Variants in TOGARAM1 observed in about 807,000 individuals in gnomAD.
TOGARAM1 encodes the protein TOG array regulator of axonemal microtubules protein 1.
A neutral mutation model predicts 166.6 loss-of-function variants in TOGARAM1; 100 were observed. The observed-to-expected ratio is 0.60, with a 90% CI of 0.51 to 0.71. TOGARAM1 has a LOEUF of 0.71. TOGARAM1 is among the 30% of genes least tolerant of loss of function. TOGARAM1 has a pLI of 0.00. For synonymous variants in TOGARAM1, 758 were observed against 763.8 expected (o/e 0.99, Z 0.13); for missense variants, 2,029 against 2,102.7 (o/e 0.96, Z 0.69).
intron 1 of TOGARAM1, among the ~76,000 whole-genome samples, chr14:44,966,448 A>G (rs1274406489): frequency 1.3e-5 from 2 of 152,034 alleles, no homozygotes; most frequent in African/African-American, 4.8e-5. Context: ...ACCCCAGCCT[A>G]GGCAACAGAG....
intron 1 of TOGARAM1, among the ~76,000 whole-genome samples, chr14:44,992,548 C>T (rs1487597344): frequency 6.6e-6 from 1 of 151,498 alleles, no homozygotes; most frequent in African/African-American, 2.4e-5. Context: ...TTAATACTCC[C>T]TGCCAAAAGC....
rs191592503 is a variant in TOGARAM1, at chr14:45,019,828, G to C, written c.3239-5955G>C. Among the ~76,000 whole-genome samples, 16 of 152,252 alleles carry C rather than the reference G, an allele frequency of 1.1e-4. No homozygotes were observed. The East Asian group carries it at 3.1e-3, about 29-fold the overall frequency. On this transcript the variant is annotated intron_variant, in intron 7 of 19. Coordinates refer to ENST00000361462, the MANE Select transcript of TOGARAM1 (RefSeq NM_001308120.2). ...TTTCTCTCAGTCCGCCCTCTCAACA[G>C]GAAAACTCAAGTGCTGTTGGGGTGG...
Position 44,962,911 on chromosome 14 carries a change from CG to C in TOGARAM1, c.494del (p.Gly165ValfsTer14). 6.2e-7 allele frequency: 1 copy of C among 1,614,102 alleles called. No homozygotes were observed. Among genetic ancestry groups the C allele is most frequent in the Non-Finnish European group, 8.5e-7 (1 of 1,180,028 alleles). On this transcript the variant is annotated frameshift_variant, in exon 1 of 20. Coordinates refer to ENST00000361462, the MANE Select transcript of TOGARAM1 (RefSeq NM_001308120.2). LOFTEE classifies it high-confidence loss of function. ...CTTGCAACTTCTCTCGGACGTTCTC[CG>C]GGGTCAGGGGGAGGCAGGCCAGCTT... ...LCLQLLSDVL[R>X]GQGEAGQLEE...
At chr14:45,058,372 G>A (rs1882743816) in intron 16 of TOGARAM1, among the ~76,000 whole-genome samples, 1 of 150,096 alleles carries the variant, frequency 6.7e-6, no homozygotes, top group Admixed American at 6.7e-5. Context: ...TCAGTTCACT[G>A]CAACCTCCCC....
At chr14:44,965,132 C>T (rs1263418574) in intron 1 of TOGARAM1, among the ~76,000 whole-genome samples, 1 of 152,068 alleles carries the variant, frequency 6.6e-6, no homozygotes, top group East Asian at 1.9e-4. Context: ...CATATTTCCT[C>T]CATATTTGCT....
At chr14:45,020,987 G>A (rs148072135) in intron 7 of TOGARAM1, among the ~76,000 whole-genome samples, 1,627 of 152,288 alleles carry the variant, frequency 0.011, 37 homozygotes, top group African/African-American at 0.037. Context: ...CCCAGTGAGG[G>A]TGGTATTAAA....
chr14:44,977,595 A>T (rs113165260), intron 1 of TOGARAM1, among the ~76,000 whole-genome samples: 3,270 of 152,092 alleles, frequency 0.022, 127 homozygotes, highest in African/African-American at 0.073. Flanking sequence ...CACACAGAGA[A>T]ATTTTAAATA....
intron 1 of TOGARAM1, among the ~76,000 whole-genome samples, chr14:44,979,928 T>G (rs1436116081): frequency 6.6e-6 from 1 of 152,164 alleles, no homozygotes; most frequent in Non-Finnish European, 1.5e-5. Flanking sequence ...GTGTGCTTAG[T>G]ATGTGATTCC....
Position 45,044,784 on chromosome 14 carries a change from A to G in TOGARAM1, c.4068A>G (p.Arg1356=), listed in dbSNP as rs571590632. The part of the protein sequence containing the change: ...HKAGESNTFI[R]EDVDKALRAM... ...CTGGTGAATCAAATACATTTATAAG[A>G]GAAGATGTTGACAAAGCATTGAGAG... Residue 1356 remains arginine, a synonymous_variant, in exon 13 of 20, where the codon AGA becomes AGG. Coordinates refer to ENST00000361462, the MANE Select transcript of TOGARAM1 (RefSeq NM_001308120.2). The G allele has an allele frequency of 6.2e-7, 1 of 1,614,164 alleles. No homozygotes were observed. The highest frequency in any genetic ancestry group is 1.1e-5 in the South Asian group (1 of 91,088).
chr14:45,053,032 CTTTTTTTTTTT>C (rs1177460413), intron 15 of TOGARAM1, among the ~76,000 whole-genome samples: 1 of 128,674 alleles, frequency 7.8e-6, no homozygotes, highest in African/African-American at 2.8e-5. Context: ...AGTGCAATGT[CTTTTTTTTTTT>C]TTTTTTTTTC....
intron 11 of TOGARAM1, among the ~76,000 whole-genome samples, chr14:45,038,673 G>A (rs1881565657): frequency 6.6e-6 from 1 of 152,216 alleles, no homozygotes; most frequent in Non-Finnish European, 1.5e-5. Flanking sequence ...GTTCCCCATA[G>A]GGCCACAGCT....
intron 1 of TOGARAM1, chr14:44,978,153 G>C (rs1426291001): frequency 6.6e-6 from 1 of 152,136 alleles, no homozygotes; most frequent in Admixed American, 6.5e-5. Flanking sequence ...CTGGAAAAGA[G>C]GGCACTGATA....
chr14:45,059,163 G>A (rs561107401), intron 16 of TOGARAM1, among the ~76,000 whole-genome samples: 9 of 151,966 alleles, frequency 5.9e-5, no homozygotes, highest in East Asian at 1.9e-4. Flanking sequence ...CCACAGCCTC[G>A]ACCTCCTGGG....
chr14:45,001,569 A>T (rs1887690398), intron 3 of TOGARAM1, among the ~76,000 whole-genome samples: 1 of 152,202 alleles, frequency 6.6e-6, no homozygotes, highest in African/African-American at 2.4e-5. Flanking sequence ...AAAAAACAAA[A>T]ATACAATGTG....
At chr14:44,989,892 A>G (rs149576409) in intron 1 of TOGARAM1, among the ~76,000 whole-genome samples, 2 of 152,332 alleles carry the variant, frequency 1.3e-5, no homozygotes, top group African/African-American at 2.4e-5. Flanking sequence ...GGAAACTTAC[A>G]ATCATAGTGG....
In TOGARAM1 at chr14:44,962,296, G is replaced by A. The variant is rs535249583; in HGVS notation, c.-126G>A. ...CGGAGTTGGGGGCGGCCTGGCGGCA[G>A]GCTGAAGCTGTTCTTTTGCCTCTTC... On this transcript the variant is annotated 5_prime_UTR_variant, in exon 1 of 20. Coordinates refer to ENST00000361462, the MANE Select transcript of TOGARAM1 (RefSeq NM_001308120.2). 33 of 1,256,232 alleles carry A rather than the reference G, an allele frequency of 2.6e-5. 1 individual carries two copies. The South Asian group carries it at 5.1e-4, about 19-fold the overall frequency. The allele number at this position is 1,256,232 out of a possible 1,614,324, so 77.8% of individuals were successfully genotyped here. A position where few individuals can be genotyped will look rare whatever the true frequency, so the allele number is the denominator to read the frequency against.
At chr14:44,992,609 ATCTTTT>A (rs1887201661) in intron 1 of TOGARAM1, among the ~76,000 whole-genome samples, 2 of 141,126 alleles carry the variant, frequency 1.4e-5, no homozygotes, top group African/African-American at 5.3e-5. Context: ...AATTTTTGTA[ATCTTTT>A]TTTTTTTTTT....
intron 11 of TOGARAM1, among the ~76,000 whole-genome samples, chr14:45,040,994 G>A (rs989554284): frequency 2.6e-5 from 4 of 151,818 alleles, no homozygotes; most frequent in Non-Finnish European, 5.9e-5. Flanking sequence ...AGATGAGATC[G>A]CACCACTGCA....
rs113802679 is a variant in TOGARAM1 at position 45,067,688 on chromosome 14, A to G, written c.4750-736A>G. Among the ~76,000 whole-genome samples the G allele has an allele frequency of 1.2e-4, 19 of 152,280 alleles. 3 individuals are homozygous for G. The highest frequency in any genetic ancestry group is 3.8e-4 in the African/African-American group (16 of 41,570). ...CATATTACCATGTCATGGGAGCCAG[A>G]AAGTTATATTTTCTGATATCTATTG... On this transcript the variant is annotated intron_variant, in intron 17 of 19. Coordinates refer to ENST00000361462, the MANE Select transcript of TOGARAM1 (RefSeq NM_001308120.2).
Sources: allele counts gnomAD v4.1 joint callset (sites outside exome capture counted in the v4.1 genomes callset), GRCh38; gene constraint gnomAD v4.1.1; transcripts MANE v1.5; gene names NCBI Gene and HGNC (gene_info 2026-07-23, HGNC 2026-07-21).